The following SPMIP9 variants were observed in gnomAD, a reference collection of about 807,000 sequenced individuals.
The protein encoded by SPMIP9 is protein SPMIP9.
At chr2:88,528,471 G>A in the SPMIP9 span, among the ~76,000 whole-genome samples, 1 of 152,132 alleles carries the variant, frequency 6.6e-6, no homozygotes, top group Non-Finnish European at 1.5e-5. Context: ...TATATATGTG[G>A]ATAAACTCTT....
At chr2:88,529,456 G>GAT in the SPMIP9 span, 2 of 1,612,708 alleles carry the variant, frequency 1.2e-6, no homozygotes, top group South Asian at 2.2e-5. Flanking sequence ...GGGGACCCTT[G>GAT]ATGCCATTTT....
the SPMIP9 span, among the ~76,000 whole-genome samples, chr2:88,527,875 C>T: frequency 6.8e-3 from 1,032 of 152,276 alleles, 12 homozygotes; most frequent in African/African-American, 0.024. Context: ...GAGACAGTTA[C>T]TTCTGCTGCT....
the SPMIP9 span, chr2:88,526,586 G>A: frequency 9.6e-7 from 1 of 1,036,756 alleles, no homozygotes; most frequent in East Asian, 2.5e-5. Context: ...GTGGACATTT[G>A]GGCCCTTGTT....
At chr2:88,526,800 C>T in the SPMIP9 span, among the ~76,000 whole-genome samples, 6 of 152,144 alleles carry the variant, frequency 3.9e-5, no homozygotes, top group Admixed American at 2.6e-4. Flanking sequence ...TCCTGAGTAG[C>T]TGGGATTACA....
At chr2:88,528,399 A>G in the SPMIP9 span, among the ~76,000 whole-genome samples, 1 of 152,164 alleles carries the variant, frequency 6.6e-6, no homozygotes, top group African/African-American at 2.4e-5. Flanking sequence ...CAGCCTCCCA[A>G]AGTGCTGGGA....
At chr2:88,529,499 G>A in the SPMIP9 span, 1 of 1,585,850 alleles carries the variant, frequency 6.3e-7, no homozygotes, top group Non-Finnish European at 8.6e-7. Flanking sequence ...CCTTCCAAAG[G>A]CTCTTCCAAG....
At chr2:88,529,531 C>T in the SPMIP9 span, 87 of 1,438,762 alleles carry the variant, frequency 6.0e-5, no homozygotes, top group East Asian at 1.8e-3. Flanking sequence ...ATCCTATGAC[C>T]TTGGAGTGCA....
At chr2:88,527,107 G>A in the SPMIP9 span, among the ~76,000 whole-genome samples, 7 of 152,096 alleles carry the variant, frequency 4.6e-5, no homozygotes, top group Admixed American at 6.5e-5. Flanking sequence ...ATTAACATTA[G>A]CAGTACCTTG....
At chr2:88,528,194 G>A in the SPMIP9 span, among the ~76,000 whole-genome samples, 1 of 149,322 alleles carries the variant, frequency 6.7e-6, no homozygotes, top group Non-Finnish European at 1.5e-5. Flanking sequence ...CTGCAGTGCA[G>A]TGGTTTGATC....
the SPMIP9 span, chr2:88,529,042 G>A: frequency 6.2e-7 from 1 of 1,604,274 alleles, no homozygotes; most frequent in Non-Finnish European, 8.5e-7. Flanking sequence ...TGTGTGATTT[G>A]TTTCCACAGC....
chr2:88,529,571 G>GATGTTC, the SPMIP9 span: 27 of 1,170,902 alleles, frequency 2.3e-5, no homozygotes, highest in Non-Finnish European at 3.2e-5. Flanking sequence ...AAACTGGAAA[G>GATGTTC]ATGTTCCAAC....
the SPMIP9 span, chr2:88,525,722 C>T: frequency 6.2e-7 from 1 of 1,601,886 alleles, no homozygotes; most frequent in Non-Finnish European, 8.6e-7. Context: ...GTTGGGTAGC[C>T]TCAGCAAGGC....
the SPMIP9 span, chr2:88,526,551 CTG>C: frequency 1.5e-6 from 2 of 1,364,378 alleles, no homozygotes; most frequent in Admixed American, 1.7e-5. Context: ...GAAATCCTCT[CTG>C]TTGCTTCATT....
chr2:88,526,443 G>A, the SPMIP9 span: 1 of 1,614,032 alleles, frequency 6.2e-7, no homozygotes, highest in Non-Finnish European at 8.5e-7. Flanking sequence ...GCTCCCACAT[G>A]GTCGACTATC....
the SPMIP9 span, chr2:88,529,198 A>G: frequency 6.2e-7 from 1 of 1,614,130 alleles, no homozygotes; most frequent in Middle Eastern, 1.6e-4. Context: ...TCTTCCCATC[A>G]CAGGAACATG....
At chr2:88,525,985 C>G in the SPMIP9 span, among the ~76,000 whole-genome samples, 6 of 152,076 alleles carry the variant, frequency 3.9e-5, no homozygotes, top group Non-Finnish European at 7.3e-5. Context: ...TTCATTAAAT[C>G]CATCACAGTA....
chr2:88,526,582 A>T, the SPMIP9 span: 1 of 1,059,742 alleles, frequency 9.4e-7, no homozygotes, highest in Non-Finnish European at 1.4e-6. Context: ...AAATGTGGAC[A>T]TTTGGGCCCT....
chr2:88,526,944 G>A, the SPMIP9 span, among the ~76,000 whole-genome samples: 1 of 152,122 alleles, frequency 6.6e-6, no homozygotes, highest in Non-Finnish European at 1.5e-5. Context: ...AGAATTACAG[G>A]CGTGAGCCAC....
chr2:88,525,110 C>T, the SPMIP9 span, among the ~76,000 whole-genome samples: 2 of 152,138 alleles, frequency 1.3e-5, no homozygotes, highest in African/African-American at 4.8e-5. Flanking sequence ...TTCCTCTATC[C>T]AGGGGAAGTG....
Sources: allele counts gnomAD v4.1 joint callset (sites outside exome capture counted in the v4.1 genomes callset), GRCh38; gene constraint gnomAD v4.1.1; transcripts MANE v1.5; gene names NCBI Gene and HGNC (gene_info 2026-07-23, HGNC 2026-07-21).